The following BARX2 variants were observed in gnomAD, a reference collection of about 807,000 sequenced individuals.
BARX2 encodes homeobox protein BarH-like 2.
In BARX2, 11 loss-of-function variants were observed where a neutral mutation model predicts 25.5. The ratio of observed to expected loss-of-function variants is 0.43; its 90% CI spans 0.27 to 0.71. BARX2 has a LOEUF of 0.71. Among genes scored for constraint, BARX2 ranks in the 30% least tolerant of loss-of-function variants. The probability of loss-of-function intolerance (pLI) is 0.19; values close to 1 mark genes in which losing one functional copy is unlikely to be tolerated. For missense variants in BARX2, 360 were observed against 359.9 expected, an observed-to-expected ratio of 1.00 and a Z score of 0.00; for synonymous variants, 137 against 149.5, an observed-to-expected ratio of 0.92 and a Z score of 0.61.
At chr11:129,403,601 A>G (rs1861799699) in intron 1 of BARX2, among the ~76,000 whole-genome samples, 1 of 152,170 alleles carries the variant, frequency 6.6e-6, no homozygotes, top group Admixed American at 6.5e-5. Flanking sequence ...TATAGATTTT[A>G]TGTGGAATTT....
At chr11:129,396,638 G>A (rs541234150) in intron 1 of BARX2, among the ~76,000 whole-genome samples, 1 of 152,240 alleles carries the variant, frequency 6.6e-6, no homozygotes, top group East Asian at 1.9e-4. Context: ...TGGTGGGTGG[G>A]GGGACGGGGT....
intron 1 of BARX2, among the ~76,000 whole-genome samples, chr11:129,423,560 A>G (rs1248485788): frequency 5.3e-5 from 8 of 152,306 alleles, no homozygotes; most frequent in Admixed American, 5.2e-4. Flanking sequence ...ACATCTCCCC[A>G]GCATGCCTGG....
chr11:129,440,615 A>T (rs1286423299), intron 2 of BARX2, among the ~76,000 whole-genome samples: 1 of 152,238 alleles, frequency 6.6e-6, no homozygotes, highest in East Asian at 1.9e-4. Flanking sequence ...TTCTACAGGG[A>T]TGACCAGAGG....
At chr11:129,381,296 A>T (rs1290720623) in intron 1 of BARX2, among the ~76,000 whole-genome samples, 3 of 152,172 alleles carry the variant, frequency 2.0e-5, no homozygotes, top group Non-Finnish European at 4.4e-5. Flanking sequence ...TTGAAACTTA[A>T]TCTAACTGTT....
intron 1 of BARX2, among the ~76,000 whole-genome samples, chr11:129,385,838 G>A (rs1021856545): frequency 3.9e-5 from 6 of 152,176 alleles, no homozygotes; most frequent in African/African-American, 1.4e-4. Flanking sequence ...TAGCACAAGA[G>A]ACCGCACATG....
At chr11:129,416,708 G>A (rs1861946749) in intron 1 of BARX2, among the ~76,000 whole-genome samples, 1 of 151,986 alleles carries the variant, frequency 6.6e-6, no homozygotes, top group Admixed American at 6.6e-5. Flanking sequence ...CCTTAGAGAT[G>A]TGAAAACTTG....
In BARX2 at chr11:129,436,878, G is replaced by A. The variant is rs779577922; in HGVS notation, c.315G>A (p.Ala105=). Residue 105 remains alanine (A), a synonymous_variant, in exon 2 of 4, where the codon GCG becomes GCA. Transcript: ENST00000281437. The surrounding 1 kb of genome is among the most constrained non-coding windows in gnomAD (Gnocchi z 4.5). ...QALSCHQVTE[A]VSAEAPGGEA... The stretch of plus-strand genomic sequence containing the variant: ...TGTCCTGCCACCAGGTCACCGAGGC[G>A]GTCTCTGCTGAGGCCCCAGGGGGCG... 5 of 1,613,916 alleles carry A rather than the reference G, an allele frequency of 3.1e-6. No homozygotes were observed. The highest frequency in any genetic ancestry group is 4.5e-5 in the East Asian group (2 of 44,886).
intron 1 of BARX2, among the ~76,000 whole-genome samples, chr11:129,381,078 A>G (rs534627633): frequency 9.7e-4 from 148 of 152,246 alleles, no homozygotes; most frequent in African/African-American, 3.4e-3. Context: ...CCCGCTGTGA[A>G]GTCGGTTTTA....
At chr11:129,406,462 C>A (rs1565513613) in intron 1 of BARX2, among the ~76,000 whole-genome samples, 2 of 152,208 alleles carry the variant, frequency 1.3e-5, no homozygotes, top group Non-Finnish European at 2.9e-5. Flanking sequence ...TGTAGAGATA[C>A]AAGGTGAATA....
rs149243958 is a variant in BARX2, at chr11:129,400,035, T to A, written c.187+23813T>A. ...CCAGGTGTGCATCACCATGCCCAGC[T>A]GAGACTTGGTCGTTGATTAGAACCG... On this transcript the variant is annotated intron_variant, in intron 1 of 3. Transcript: ENST00000281437. 3.7e-3 allele frequency among the ~76,000 whole-genome samples: 570 copies of A among 152,288 alleles called. 5 individuals carry two copies. The highest frequency in any genetic ancestry group is 0.013 in the African/African-American group (548 of 41,552).
At chr11:129,403,226 T>C (rs1178048188) in intron 1 of BARX2, among the ~76,000 whole-genome samples, 1 of 152,246 alleles carries the variant, frequency 6.6e-6, no homozygotes, top group African/African-American at 2.4e-5. Context: ...TTTCTTCTAC[T>C]GCACTCCTAA....
At chr11:129,429,868 G>A (rs578048148) in intron 1 of BARX2, among the ~76,000 whole-genome samples, 140 of 152,270 alleles carry the variant, frequency 9.2e-4, no homozygotes, top group Non-Finnish European at 1.6e-3. Context: ...ATTTCACAAA[G>A]TATACTCCCT....
chr11:129,415,103 C>T (rs916866110), intron 1 of BARX2, among the ~76,000 whole-genome samples: 1 of 151,462 alleles, frequency 6.6e-6, no homozygotes, highest in Admixed American at 6.6e-5. Context: ...CTCTCCTTTC[C>T]CCCCATTATA....
rs556912894 is a variant in BARX2, at chr11:129,400,600, C to T, written c.187+24378C>T. 5.3e-5 allele frequency among the ~76,000 whole-genome samples: 8 copies of T among 152,058 alleles called. No homozygotes were observed. The South Asian group carries it at 8.3e-4, about 16-fold the overall frequency. On this transcript the variant is annotated intron_variant, in intron 1 of 3. Transcript: ENST00000281437. ...ATTCTATACTCAAGAAGGCTTGTGC[C>T]GTGGAGATTTTATTCTGTAGGCTCT... is the stretch of plus-strand genomic sequence containing the variant.
At chr11:129,393,350 A>G (rs932994580) in intron 1 of BARX2, among the ~76,000 whole-genome samples, 1 of 152,192 alleles carries the variant, frequency 6.6e-6, no homozygotes, top group Non-Finnish European at 1.5e-5. Context: ...TATTTTGAAA[A>G]GTATGGTGCT....
intron 1 of BARX2, among the ~76,000 whole-genome samples, chr11:129,407,237 A>G (rs1451905682): frequency 6.6e-6 from 1 of 152,216 alleles, no homozygotes; most frequent in South Asian, 2.1e-4. Flanking sequence ...ACTCAGTCAC[A>G]TCAGACCAAA....
At chr11:129,414,086 G>A (rs907338843) in intron 1 of BARX2, among the ~76,000 whole-genome samples, 13 of 149,782 alleles carry the variant, frequency 8.7e-5, no homozygotes, top group African/African-American at 3.3e-4. Context: ...AAGAGAGAGC[G>A]GACAGTAATA....
Position 129,376,443 on chromosome 11 carries a change from A to T in BARX2, c.187+221A>T, listed in dbSNP as rs139677787. ...GTGGAAATAAAGGCGGCAGGGCCTT[A>T]GGAGTGGGCTGCTCGCGCAACGCCT... On this transcript the variant is annotated intron_variant, in intron 1 of 3. Transcript: ENST00000281437. This position sits in a 1 kb window ranked among gnomAD's most constrained non-coding sequence, Gnocchi z 4.2. Among the ~76,000 whole-genome samples, 1 of 152,224 alleles carries T rather than the reference A, an allele frequency of 6.6e-6. No homozygotes were observed. The highest frequency in any genetic ancestry group is 1.5e-5 in the Non-Finnish European group (1 of 68,036).
intron 3 of BARX2, among the ~76,000 whole-genome samples, chr11:129,443,663 A>G (rs1862290024): frequency 6.6e-6 from 1 of 152,210 alleles, no homozygotes; most frequent in Non-Finnish European, 1.5e-5. Context: ...GAATATTTCC[A>G]TCTTTGATTT....
Sources: allele counts gnomAD v4.1 joint callset (sites outside exome capture counted in the v4.1 genomes callset), GRCh38; gene constraint gnomAD v4.1.1; non-coding constraint Gnocchi (gnomAD v3.1); transcripts MANE v1.5; gene names NCBI Gene and HGNC (gene_info 2026-07-23, HGNC 2026-07-21).